MAPK12: variants seen among roughly 807,000 people sequenced by gnomAD.
The protein encoded by MAPK12 is mitogen-activated protein kinase 12, also known as MAP kinase 12.
In MAPK12, 49 loss-of-function variants were observed where a neutral mutation model predicts 49.1. The ratio of observed to expected loss-of-function variants is 1.00; its 90% CI spans 0.79 to 1.27. MAPK12 has a LOEUF of 1.27. Among genes scored for constraint, MAPK12 ranks in the 50% most tolerant of loss-of-function variants. The probability of loss-of-function intolerance (pLI) is 0.00; values close to 1 mark genes in which losing one functional copy is unlikely to be tolerated. For synonymous variants in MAPK12, 251 were observed against 209.7 expected, an observed-to-expected ratio of 1.20 and a Z score of -1.70; for missense variants, 554 against 502.4, an observed-to-expected ratio of 1.10 and a Z score of -0.98.
intron 3 of MAPK12, chr22:50,257,665 G>C: frequency 3.4e-6 from 2 of 590,522 alleles, no homozygotes; most frequent in South Asian, 4.0e-5. Flanking sequence ...GGTCGGCTGG[G>C]CCGGTGGAGA....
At position 50,253,353 on chromosome 22, in the gene MAPK12, G is replaced by A. The variant is rs769523776; in HGVS notation, c.*48C>T. The A allele has an allele frequency of 4.4e-6, 6 of 1,357,730 alleles. No individual in the cohort carries two copies. The South Asian group carries it at 6.2e-5, about 14-fold the overall frequency. 84.1% of individuals were successfully genotyped at this position (1,357,730 alleles called of 1,614,324 possible). A position where few individuals can be genotyped will look rare whatever the true frequency, so the allele number is the denominator to read the frequency against. ...GGTGGCAACGAGAGTCCCCTCTCAG[G>A]TGGAAGGTGAAGGTGGTCCTCACTG... On this transcript the variant is annotated 3_prime_UTR_variant, in exon 12 of 12. Coordinates refer to ENST00000215659, the MANE Select transcript of MAPK12 (RefSeq NM_002969.6).
In MAPK12 at chr22:50,253,434, C is replaced by T; in HGVS notation, c.1071G>A (p.Leu357=). The T allele has an allele frequency of 2.1e-6, 3 of 1,430,448 alleles. No homozygotes were observed. The highest frequency in any genetic ancestry group is 2.8e-6 in the Non-Finnish European group (3 of 1,075,706). The allele number at this position is 1,430,448 out of a possible 1,614,324, so 88.6% of individuals were successfully genotyped here. The change falls in exon 12 of 12, where the codon CTG becomes CTA. Residue 357 remains leucine (L), a synonymous_variant. Coordinates refer to ENST00000215659, the MANE Select transcript of MAPK12 (RefSeq NM_002969.6). ...EVLSFKPPRQ[L]GARVSKETPL The stretch of plus-strand genomic sequence containing the variant: ...GCGTCTCCTTGGAGACCCTGGCCCC[C>T]AGCTGCCGGGGAGGCTTGAAGCTGA...
chr22:50,253,078 G>GGCTC lies in MAPK12; in HGVS notation c.*319_*322dup. ...CCTCTGCATGGCCCAGAGCAGGCAG[G>GGCTC]GCTCAGAGGCCAAGGCCTGATCTGG... On this transcript the variant is annotated 3_prime_UTR_variant, in exon 12 of 12. Transcript: ENST00000215659. 1 of 415,248 alleles carries GGCTC rather than the reference G, an allele frequency of 2.4e-6. No homozygotes were observed. Among genetic ancestry groups the GGCTC allele is most frequent in the Admixed American group, 3.6e-5 (1 of 27,484 alleles). The allele number at this position is 415,248 out of a possible 1,614,324, so 25.7% of individuals were successfully genotyped here.
In MAPK12 at chr22:50,259,080, C is replaced by T. The variant is rs143767309; in HGVS notation, c.256-779G>A. On this transcript the variant is annotated intron_variant, in intron 2 of 11. Coordinates refer to ENST00000215659, the MANE Select transcript of MAPK12 (RefSeq NM_002969.6). ...TGGCTTTGATCCCAAGAGACGGGGA[C>T]GATTTAAATGGGGACGTGAGGCTAA... Among the ~76,000 whole-genome samples the T allele has an allele frequency of 6.3e-3, 956 of 152,292 alleles. 2 individuals carry two copies. The highest frequency in any genetic ancestry group is 0.021 in the African/African-American group (855 of 41,556).
chr22:50,261,390 C>G lies in MAPK12; in HGVS notation c.120G>C (p.Ala40=). ...LQPVGSGAYG[A]VCSAVDGRTG... ...CCCGCCCGGCCCGCGCTCACCACAC[C>G]GCGCCGTAGGCGCCCGAGCCCACGG... is the stretch of plus-strand genomic sequence containing the variant. The change falls in exon 1 of 12, where the codon GCG becomes GCC. Residue 40 remains alanine (A), a synonymous_variant. Transcript: ENST00000215659. 7 of 1,202,762 alleles carry G rather than the reference C, an allele frequency of 5.8e-6. No individual in the cohort carries two copies. Among genetic ancestry groups the G allele is most frequent in the Non-Finnish European group, 7.4e-6 (7 of 950,624 alleles). The allele number at this position is 1,202,762 out of a possible 1,614,324, so 74.5% of individuals were successfully genotyped here.
chr22:50,260,027 G>A (rs1413185058), intron 2 of MAPK12, among the ~76,000 whole-genome samples: 4 of 143,624 alleles, frequency 2.8e-5, no homozygotes, highest in Admixed American at 2.8e-4. Context: ...GGCGGGTGGT[G>A]GGGGGGTGCG....
chr22:50,256,359 G>A (rs1294745921), intron 6 of MAPK12, among the ~76,000 whole-genome samples, 160 bp from the exon 7 acceptor site: 1 of 152,188 alleles, frequency 6.6e-6, no homozygotes, highest in Non-Finnish European at 1.5e-5. Context: ...ACCCCAAACT[G>A]CCCCGAGCTC....
rs2065121675 is a variant in MAPK12, at chr22:50,253,721, T to C, written c.1025-241A>G. On this transcript the variant is annotated intron_variant, in intron 11 of 11. Coordinates refer to ENST00000215659, the MANE Select transcript of MAPK12 (RefSeq NM_002969.6). ...GTCCACCACGGTCTGTCCTAAGAGC[T>C]GAGGCCTCAGCCACAGTTGTGTGGG... is the stretch of plus-strand genomic sequence containing the variant. 13 of 568,432 alleles carry C rather than the reference T, an allele frequency of 2.3e-5. 2 individuals carry two copies. In the South Asian group the frequency reaches 2.7e-4, roughly 12 times the overall value. The allele number at this position is 568,432 out of a possible 1,614,324, so 35.2% of individuals were successfully genotyped here.
chr22:50,256,535 T>C (rs2065151954), intron 6 of MAPK12, 64 bp downstream of exon 6: 1 of 1,566,048 alleles, frequency 6.4e-7, no homozygotes, highest in South Asian at 1.2e-5. Context: ...GACAGGTGGA[T>C]AGATGGGCAG....
At chr22:50,257,045 CT>C in intron 4 of MAPK12, 36 bp downstream of exon 4, 2 of 1,606,180 alleles carry the variant, frequency 1.2e-6, no homozygotes, top group Non-Finnish European at 8.5e-7. Flanking sequence ...CCCCGAGGCC[CT>C]GCCTGCCTCC....
At position 50,257,588 on chromosome 22, in the gene MAPK12, C is replaced by A. The variant is rs888556606; in HGVS notation, c.315-395G>T. The A allele has an allele frequency of 9.1e-6, 5 of 550,714 alleles. No individual in the cohort carries two copies. In the African/African-American group the frequency reaches 9.4e-5, roughly 10 times the overall value. 34.1% of individuals were successfully genotyped at this position (550,714 alleles called of 1,614,324 possible). A position where few individuals can be genotyped will look rare whatever the true frequency, so the allele number is the denominator to read the frequency against. ...AGGCAGTCAGGTTTCAACTTCACAACTTTGTGCCAGAAATGAGGGAGGTGC... is the reference window on the plus strand; with the variant it reads ...AGGCAGTCAGGTTTCAACTTCACAAATTTGTGCCAGAAATGAGGGAGGTGC... On this transcript the variant is annotated intron_variant, in intron 3 of 11. Coordinates refer to ENST00000215659, the MANE Select transcript of MAPK12 (RefSeq NM_002969.6).
chr22:50,261,535 G>C lies in MAPK12; in HGVS notation c.-26C>G. On this transcript the variant is annotated 5_prime_UTR_variant, in exon 1 of 12. Coordinates refer to ENST00000215659, the MANE Select transcript of MAPK12 (RefSeq NM_002969.6). ...GGCAGGCCCGGGAGCTGCCCACCCCGCAGAGCCTGCGGGCGGTGCCCCCAC... is the reference window on the plus strand; with the variant it reads ...GGCAGGCCCGGGAGCTGCCCACCCCCCAGAGCCTGCGGGCGGTGCCCCCAC... 1 of 1,096,852 alleles carries C rather than the reference G, an allele frequency of 9.1e-7. No individual in the cohort carries two copies. Among genetic ancestry groups the C allele is most frequent in the Non-Finnish European group, 1.1e-6 (1 of 892,978 alleles). The allele number at this position is 1,096,852 out of a possible 1,614,324, so 67.9% of individuals were successfully genotyped here.
At chr22:50,253,502 G>GGGGGGTGCAGGC in intron 11 of MAPK12, 22 bp from the exon 12 acceptor site, 1 of 171,686 alleles carries the variant, frequency 5.8e-6, no homozygotes, top group Non-Finnish European at 1.1e-5. Flanking sequence ...GGGGGGGCGG[G>GGGGGGTGCAGGC]CACAACAGAG....
Position 50,253,662 on chromosome 22 carries a change from A to T in MAPK12, c.1025-182T>A. On this transcript the variant is annotated intron_variant, in intron 11 of 11. Coordinates refer to ENST00000215659, the MANE Select transcript of MAPK12 (RefSeq NM_002969.6). ...CCATTGCTCTAGATCTGGATTTTCC[A>T]GGGAAAGGGGAGGTGGCCAGGGCTT... 5.0e-6 allele frequency: 3 copies of T among 597,690 alleles called. No individual in the cohort carries two copies. In the East Asian group the frequency reaches 8.4e-5, roughly 17 times the overall value. 37.0% of individuals were successfully genotyped at this position (597,690 alleles called of 1,614,324 possible). A position where few individuals can be genotyped will look rare whatever the true frequency, so the allele number is the denominator to read the frequency against.
chr22:50,254,932 T>A, intron 11 of MAPK12: 6 of 1,357,954 alleles, frequency 4.4e-6, no homozygotes, highest in Non-Finnish European at 5.7e-6. Flanking sequence ...CAGCCAGAGG[T>A]CATCTCCACC....
chr22:50,257,319 C>T lies in MAPK12; in HGVS notation c.315-126G>A. The T allele has an allele frequency of 5.8e-6, 4 of 686,558 alleles. No homozygotes were observed. The South Asian group carries it at 6.4e-5, about 11-fold the overall frequency. 42.5% of individuals were successfully genotyped at this position (686,558 alleles called of 1,614,324 possible). A position where few individuals can be genotyped will look rare whatever the true frequency, so the allele number is the denominator to read the frequency against. On this transcript the variant is annotated intron_variant, in intron 3 of 11. Coordinates refer to ENST00000215659, the MANE Select transcript of MAPK12 (RefSeq NM_002969.6). ...GGCACCCCCAGGAAGGTCACCCCTGCAGCACACATCCACACTGGCCTCGGT... is the reference window on the plus strand; with the variant it reads ...GGCACCCCCAGGAAGGTCACCCCTGTAGCACACATCCACACTGGCCTCGGT...
intron 11 of MAPK12, chr22:50,254,818 C>T (rs1432668250): frequency 1.7e-6 from 2 of 1,164,704 alleles, no homozygotes; most frequent in Non-Finnish European, 1.1e-6. Context: ...CTAAGTGGGC[C>T]CTGGTTCCCT....
chr22:50,259,826 G>A (rs1261676835), intron 2 of MAPK12, among the ~76,000 whole-genome samples: 1 of 151,954 alleles, frequency 6.6e-6, no homozygotes, highest in Non-Finnish European at 1.5e-5. Context: ...GAAGGTTGCA[G>A]TGAGCTGAGA....
intron 11 of MAPK12, chr22:50,254,818 C>G: frequency 1.1e-5 from 13 of 1,164,822 alleles, no homozygotes; most frequent in Non-Finnish European, 1.4e-5. Flanking sequence ...CTAAGTGGGC[C>G]CTGGTTCCCT....
Sources: gnomAD v4.1 joint callset for allele counts (sites outside exome capture counted in the v4.1 genomes callset) on GRCh38, gnomAD v4.1.1 for gene constraint, MANE v1.5 for transcripts, NCBI Gene and HGNC (gene_info 2026-07-23, HGNC 2026-07-21) for gene names.